The following VWA8 variants were observed in gnomAD, a reference collection of about 807,000 sequenced individuals.
VWA8 encodes the protein von Willebrand factor A domain containing 8.
VWA8 carries 221 observed loss-of-function variants against 241.5 expected under a neutral mutation model. The ratio of observed to expected loss-of-function variants is 0.91; its 90% confidence interval spans 0.82 to 1.02. The LOEUF (loss-of-function observed/expected upper bound fraction) is 1.02, where lower values mean the gene tolerates loss of function less well. VWA8 is among the 50% of genes least tolerant of loss of function. The probability of loss-of-function intolerance (pLI) is 0.00; values close to 1 mark genes in which losing one functional copy is unlikely to be tolerated. For missense variants in VWA8, 2,322 were observed against 2,328.7 expected, an observed-to-expected ratio of 1.00 and a Z score of 0.06; for synonymous variants, 852 against 827.1, an observed-to-expected ratio of 1.03 and a Z score of -0.52.
chr13:41,800,749 C>T (rs1404455065), intron 17 of VWA8, among the ~76,000 whole-genome samples: 1 of 148,426 alleles, frequency 6.7e-6, no homozygotes, highest in Admixed American at 6.8e-5. Context: ...GCTGAGATGG[C>T]GCCACTGCAC....
At chr13:41,617,617 C>T (rs961333423) in intron 37 of VWA8, among the ~76,000 whole-genome samples, 3 of 152,064 alleles carry the variant, frequency 2.0e-5, no homozygotes, top group Non-Finnish European at 2.9e-5. Context: ...TTAGGTATTT[C>T]TCCTAATACT....
intron 20 of VWA8, among the ~76,000 whole-genome samples, chr13:41,773,180 T>G (rs1010970603): frequency 6.6e-6 from 1 of 152,230 alleles, no homozygotes; most frequent in Non-Finnish European, 1.5e-5. Flanking sequence ...CAGGGGACTG[T>G]CACTTTGCAT....
intron 1 of VWA8, among the ~76,000 whole-genome samples, chr13:41,952,691 T>C (rs1207450186): frequency 1.3e-5 from 2 of 151,838 alleles, no homozygotes; most frequent in Non-Finnish European, 2.9e-5. Context: ...TAATAAATAA[T>C]CTAGAAAAAG....
intron 39 of VWA8, among the ~76,000 whole-genome samples, chr13:41,608,741 A>G (rs930446024): frequency 6.6e-6 from 1 of 151,984 alleles, no homozygotes; most frequent in Non-Finnish European, 1.5e-5. Context: ...CATGTACCTC[A>G]TTGTCTATTT....
In VWA8 at chr13:41,691,944, G is replaced by C; in HGVS notation, c.3676-6C>G. The C allele has an allele frequency of 6.3e-7, 1 of 1,593,876 alleles. No individual in the cohort carries two copies. Among genetic ancestry groups the C allele is most frequent in the Non-Finnish European group, 8.6e-7 (1 of 1,162,678 alleles). On this transcript the variant is annotated splice_polypyrimidine_tract_variant and splice_region_variant and intron_variant, in intron 30 of 44. Transcript: ENST00000379310. Reference sequence around the variant, plus strand: ...TTACACATTTTATAAGTTTCCTAAAGACAAACAAAACAAGATATTCATATT... The same window carrying C: ...TTACACATTTTATAAGTTTCCTAAACACAAACAAAACAAGATATTCATATT...
chr13:41,626,013 A>C (rs1242086134), intron 37 of VWA8, among the ~76,000 whole-genome samples: 1 of 125,290 alleles, frequency 8.0e-6, no homozygotes, highest in Non-Finnish European at 1.7e-5. Flanking sequence ...GTTCTCACTC[A>C]TAGGTGGGAA....
chr13:41,822,075 T>C (rs1428815454), intron 14 of VWA8, among the ~76,000 whole-genome samples: 2 of 152,156 alleles, frequency 1.3e-5, no homozygotes, highest in African/African-American at 4.8e-5. Flanking sequence ...AGATTCATTA[T>C]CTTGATATTG....
chr13:41,898,527 C>T (rs1025272746), intron 4 of VWA8, among the ~76,000 whole-genome samples: 1 of 152,246 alleles, frequency 6.6e-6, no homozygotes, highest in Non-Finnish European at 1.5e-5. Context: ...CCCAGTGGAT[C>T]CCGCACCAGG....
chr13:41,872,922 A>G (rs1873705900), intron 9 of VWA8, among the ~76,000 whole-genome samples: 1 of 152,026 alleles, frequency 6.6e-6, no homozygotes, highest in African/African-American at 2.4e-5. Flanking sequence ...CACAATATTG[A>G]TTCTTCCTAC....
intron 28 of VWA8, among the ~76,000 whole-genome samples, chr13:41,700,200 C>T (rs929556554): frequency 2.0e-5 from 3 of 151,984 alleles, no homozygotes; most frequent in Non-Finnish European, 2.9e-5. Context: ...CAATAAGATA[C>T]GTCATTTAAA....
intron 1 of VWA8, among the ~76,000 whole-genome samples, chr13:41,953,822 A>C (rs893180046): frequency 1.3e-5 from 2 of 151,524 alleles, no homozygotes; most frequent in Admixed American, 1.3e-4. Context: ...AAAAAATTAA[A>C]AAAGAAAATT....
intron 37 of VWA8, among the ~76,000 whole-genome samples, chr13:41,652,281 C>T (rs1481669917): frequency 6.6e-6 from 1 of 152,158 alleles, no homozygotes; most frequent in Non-Finnish European, 1.5e-5. Context: ...CTAGGGAAGC[C>T]ACATGGGGAA....
chr13:41,671,236 A>G, intron 36 of VWA8, 89 bp from the exon 37 acceptor site: 2 of 1,393,498 alleles, frequency 1.4e-6, no homozygotes, highest in Non-Finnish European at 1.0e-6. Flanking sequence ...TTTACTGTTG[A>G]AAAAGTATGC....
At chr13:41,601,099 C>T (rs763895690) in intron 40 of VWA8, among the ~76,000 whole-genome samples, 15 of 152,086 alleles carry the variant, frequency 9.9e-5, no homozygotes, top group South Asian at 4.1e-4. Flanking sequence ...GCGTTGTTTC[C>T]ACCCTTCTCT....
intron 44 of VWA8, among the ~76,000 whole-genome samples, chr13:41,570,191 C>T (rs565538326): frequency 3.3e-5 from 5 of 151,942 alleles, no homozygotes; most frequent in Admixed American, 6.6e-5. Context: ...AAATACTACC[C>T]GGTTTATTAG....
intron 2 of VWA8, among the ~76,000 whole-genome samples, chr13:41,920,998 G>T (rs1270764260): frequency 6.6e-6 from 1 of 152,172 alleles, no homozygotes; most frequent in Admixed American, 6.5e-5. Context: ...GAGAATTTTA[G>T]ACCAATATCC....
At chr13:41,725,238 G>C (rs2045423401) in intron 24 of VWA8, among the ~76,000 whole-genome samples, 1 of 152,060 alleles carries the variant, frequency 6.6e-6, no homozygotes, top group African/African-American at 2.4e-5. Context: ...AATATATCAA[G>C]GTGGGTAGGT....
At chr13:41,746,672 C>CTG (rs2045609531) in intron 21 of VWA8, among the ~76,000 whole-genome samples, 1 of 152,132 alleles carries the variant, frequency 6.6e-6, no homozygotes, top group Non-Finnish European at 1.5e-5. Flanking sequence ...TGTGATTGAG[C>CTG]ATCAAAGTAA....
At chr13:41,739,218 C>T (rs757202836) in intron 21 of VWA8, among the ~76,000 whole-genome samples, 11 of 152,094 alleles carry the variant, frequency 7.2e-5, no homozygotes, top group African/African-American at 2.2e-4. Flanking sequence ...ATCTTTAGTA[C>T]AGTACTCAAT....
Sources: allele counts gnomAD v4.1 joint callset (sites outside exome capture counted in the v4.1 genomes callset), GRCh38; gene constraint gnomAD v4.1.1; transcripts MANE v1.5; gene names NCBI Gene and HGNC (gene_info 2026-07-23, HGNC 2026-07-21).